The following FHIT variants were observed in gnomAD, a reference collection of about 807,000 sequenced individuals.
FHIT encodes bis(5'-adenosyl)-triphosphatase.
A neutral mutation model predicts 17.9 loss-of-function variants in FHIT; 19 were observed. That is an observed-to-expected ratio of 1.06 (90% confidence interval 0.74 to 1.56). FHIT has a LOEUF of 1.56. FHIT is among the 40% of genes most tolerant of loss of function. FHIT has a pLI of 0.00. For synonymous variants in FHIT, 81 were observed against 69.7 expected, an observed-to-expected ratio of 1.16 and a Z score of -0.81; for missense variants, 248 against 189.2, an observed-to-expected ratio of 1.31 and a Z score of -1.82.
At chr3:60,512,864 T>G (rs2035002665) in intron 5 of FHIT, among the ~76,000 whole-genome samples, 1 of 152,196 alleles carries the variant, frequency 6.6e-6, no homozygotes, top group South Asian at 2.1e-4. Flanking sequence ...AATTGATATA[T>G]ATTTTAAAAT....
chr3:59,768,800 T>C (rs1701929470), intron 8 of FHIT, among the ~76,000 whole-genome samples: 1 of 152,262 alleles, frequency 6.6e-6, no homozygotes, highest in South Asian at 2.1e-4. Context: ...AATTATGTTA[T>C]GTAAACCATA....
At chr3:60,949,327 T>C (rs1185637066) in intron 3 of FHIT, among the ~76,000 whole-genome samples, 3 of 152,208 alleles carry the variant, frequency 2.0e-5, no homozygotes, top group Admixed American at 2.0e-4. Context: ...GATGCCAGCC[T>C]TTCAACCTTG....
intron 8 of FHIT, among the ~76,000 whole-genome samples, chr3:59,871,850 T>C (rs1463954812): frequency 1.3e-5 from 2 of 152,160 alleles, no homozygotes; most frequent in Non-Finnish European, 2.9e-5. Flanking sequence ...GAACAGAAAC[T>C]AGCTGACATT....
At chr3:61,214,493 T>G (rs953048673) in intron 1 of FHIT, among the ~76,000 whole-genome samples, 9 of 152,058 alleles carry the variant, frequency 5.9e-5, no homozygotes, top group African/African-American at 2.2e-4. Context: ...AATGACAGGC[T>G]CTGAAATTGT....
chr3:59,981,067 C>T (rs1272911793), intron 7 of FHIT, among the ~76,000 whole-genome samples: 1 of 151,966 alleles, frequency 6.6e-6, no homozygotes, highest in Non-Finnish European at 1.5e-5. Context: ...TAAACAACAA[C>T]CACAAAAAAC....
chr3:60,042,560 C>T (rs551414438), intron 5 of FHIT, among the ~76,000 whole-genome samples: 11 of 152,142 alleles, frequency 7.2e-5, no homozygotes, highest in Admixed American at 7.2e-4. Flanking sequence ...CACTGTCTTC[C>T]CTCTTTGCTT....
intron 3 of FHIT, among the ~76,000 whole-genome samples, chr3:61,013,278 C>A (rs1489586222): frequency 6.6e-6 from 1 of 152,114 alleles, no homozygotes; most frequent in Non-Finnish European, 1.5e-5. Context: ...GCTCTTTGAT[C>A]CACTCTCCCC....
intron 5 of FHIT, among the ~76,000 whole-genome samples, chr3:60,498,190 T>G (rs973067900): frequency 2.6e-5 from 4 of 152,208 alleles, no homozygotes; most frequent in Admixed American, 6.5e-5. Flanking sequence ...GTTTAAATAC[T>G]ATTTTAAATT....
intron 8 of FHIT, among the ~76,000 whole-genome samples, chr3:59,907,653 T>C (rs1295322776): frequency 2.0e-5 from 3 of 152,208 alleles, no homozygotes; most frequent in African/African-American, 4.8e-5. Context: ...CCTTGCCTTT[T>C]CCCCAACCCC....
At chr3:60,153,596 T>A (rs1386238352) in intron 5 of FHIT, among the ~76,000 whole-genome samples, 1 of 152,202 alleles carries the variant, frequency 6.6e-6, no homozygotes, top group Non-Finnish European at 1.5e-5. Flanking sequence ...GCACTGCTTT[T>A]CTTTGTTCTT....
chr3:59,964,325 T>A (rs964343302), intron 7 of FHIT, among the ~76,000 whole-genome samples: 4 of 152,144 alleles, frequency 2.6e-5, no homozygotes, highest in Non-Finnish European at 4.4e-5. Flanking sequence ...CCATTCACAT[T>A]CATGTGTTTC....
At chr3:60,681,100 CA>C (rs1260361568) in intron 4 of FHIT, among the ~76,000 whole-genome samples, 4 of 152,186 alleles carry the variant, frequency 2.6e-5, no homozygotes, top group African/African-American at 9.7e-5. Flanking sequence ...TGTGGTTTTA[CA>C]AGTTGAAGGT....
intron 5 of FHIT, among the ~76,000 whole-genome samples, chr3:60,524,367 G>C (rs942490275): frequency 1.3e-5 from 2 of 152,142 alleles, no homozygotes; most frequent in Admixed American, 6.5e-5. Flanking sequence ...TCTAAATAGA[G>C]GTCTGAAGGA....
intron 4 of FHIT, among the ~76,000 whole-genome samples, chr3:60,657,865 C>T (rs1314823638): frequency 6.6e-6 from 1 of 152,156 alleles, no homozygotes; most frequent in Non-Finnish European, 1.5e-5. Context: ...ATCCAATTTT[C>T]CTGATCCAAT....
At chr3:60,842,263 C>G (rs529306287) in intron 3 of FHIT, among the ~76,000 whole-genome samples, 2 of 152,066 alleles carry the variant, frequency 1.3e-5, no homozygotes, top group Non-Finnish European at 2.9e-5. Flanking sequence ...ATCTCACCAA[C>G]AGTCCCACTG....
intron 5 of FHIT, among the ~76,000 whole-genome samples, chr3:60,356,198 G>A (rs966777903): frequency 6.6e-6 from 1 of 152,174 alleles, no homozygotes. Flanking sequence ...GGGATTTGCT[G>A]TATCAGCCTA....
chr3:60,390,414 AAAAAAAAAAAAAAAC>A (rs1446995661), intron 5 of FHIT, among the ~76,000 whole-genome samples: 2 of 127,180 alleles, frequency 1.6e-5, no homozygotes, highest in African/African-American at 2.8e-5. Context: ...AAAAAAAAAA[AAAAAAAAAAAAAAAC>A]CCGTACCCTC....
intron 5 of FHIT, among the ~76,000 whole-genome samples, chr3:60,367,660 T>C (rs1259058352): frequency 6.6e-6 from 1 of 152,170 alleles, no homozygotes; most frequent in African/African-American, 2.4e-5. Context: ...TTAAAAAATA[T>C]CCAATTTTTA....
intron 2 of FHIT, among the ~76,000 whole-genome samples, chr3:61,191,559 A>G (rs1390472559): frequency 1.3e-5 from 2 of 152,218 alleles, no homozygotes; most frequent in African/African-American, 4.8e-5. Context: ...GTTTCTCTGA[A>G]GAATCCTGAC....
Sources: allele counts gnomAD v4.1 joint callset (sites outside exome capture counted in the v4.1 genomes callset), GRCh38; gene constraint gnomAD v4.1.1; transcripts MANE v1.5; gene names NCBI Gene and HGNC (gene_info 2026-07-23, HGNC 2026-07-21).